EIF2B3: variants seen among roughly 807,000 people sequenced by gnomAD.
EIF2B3 encodes translation initiation factor eIF2B subunit gamma.
EIF2B3 carries 20 observed loss-of-function variants against 54.1 expected under a neutral mutation model. That is an observed-to-expected ratio of 0.37 (90% CI 0.26 to 0.54). EIF2B3 has a LOEUF of 0.54. EIF2B3 is among the 20% of genes least tolerant of loss of function. The pLI is 0.86. For missense variants in EIF2B3, 448 were observed against 547.8 expected, an observed-to-expected ratio of 0.82 and a Z score of 1.82; for synonymous variants, 153 against 188.1, an observed-to-expected ratio of 0.81 and a Z score of 1.52.
chr1:44,983,303 C>CAT (rs1478542254), intron 1 of EIF2B3, among the ~76,000 whole-genome samples: 2 of 152,180 alleles, frequency 1.3e-5, no homozygotes, highest in African/African-American at 4.8e-5. Context: ...TCAGAAGAAA[C>CAT]AATCTATTCA....
intron 6 of EIF2B3, among the ~76,000 whole-genome samples, chr1:44,885,980 C>T (rs915339269): frequency 7.3e-5 from 11 of 150,994 alleles, no homozygotes; most frequent in Non-Finnish European, 7.4e-5. Context: ...CTCCTGACCT[C>T]GTGATCCGCC....
Position 44,942,422 on chromosome 1 carries a change from T to A in EIF2B3, c.295-757A>T, listed in dbSNP as rs1386468014. 5.2e-4 allele frequency among the ~76,000 whole-genome samples: 27 copies of A among 52,242 alleles called. 1 individual carries two copies. The highest frequency in any genetic ancestry group is 2.4e-3 in the African/African-American group (26 of 10,810). 34.3% of individuals were successfully genotyped at this position (52,242 alleles called of 152,430 possible). The stretch of plus-strand genomic sequence containing the variant: ...ATATATATATATATATATATATTTT[T>A]TTTTTTTTTTTTTTTTTTTTTTCCA... On this transcript the variant is annotated intron_variant, in intron 3 of 11. Transcript: ENST00000360403.
chr1:44,898,507 A>C (rs1369921338), intron 5 of EIF2B3, among the ~76,000 whole-genome samples: 1 of 152,194 alleles, frequency 6.6e-6, no homozygotes, highest in African/African-American at 2.4e-5. Flanking sequence ...AAATTAAGGC[A>C]TCTGCCTAGG....
chr1:44,886,346 C>T (rs571717431), intron 6 of EIF2B3, among the ~76,000 whole-genome samples: 2 of 152,274 alleles, frequency 1.3e-5, no homozygotes, highest in African/African-American at 2.4e-5. Context: ...TCCCAAAGTG[C>T]TGGGATTACA....
At chr1:44,875,208 A>G (rs1655082875) in intron 9 of EIF2B3, among the ~76,000 whole-genome samples, 1 of 152,178 alleles carries the variant, frequency 6.6e-6, no homozygotes, top group African/African-American at 2.4e-5. Context: ...AAAGAAAAAG[A>G]AAATTGGGAC....
intron 10 of EIF2B3, among the ~76,000 whole-genome samples, chr1:44,861,930 C>G (rs1005738242): frequency 6.6e-6 from 1 of 152,204 alleles, no homozygotes; most frequent in African/African-American, 2.4e-5. Context: ...GGCTGAGGTA[C>G]TTTGGAAAAA....
chr1:44,968,339 G>T (rs1569863429), intron 3 of EIF2B3, among the ~76,000 whole-genome samples: 1 of 150,228 alleles, frequency 6.7e-6, no homozygotes, highest in African/African-American at 2.5e-5. Flanking sequence ...TCCAGCCTGG[G>T]CGACAGAGTG....
intron 4 of EIF2B3, among the ~76,000 whole-genome samples, chr1:44,932,116 AACACACAC>A (rs59619203): frequency 1.3e-5 from 2 of 148,428 alleles, no homozygotes; most frequent in Non-Finnish European, 3.0e-5. Context: ...TCTCAAAACG[AACACACAC>A]ACACACACAC....
chr1:44,871,112 C>T (rs1218769075), intron 10 of EIF2B3, among the ~76,000 whole-genome samples: 5 of 152,220 alleles, frequency 3.3e-5, no homozygotes, highest in African/African-American at 7.2e-5. Flanking sequence ...GCCAATCTTG[C>T]TCTTCCTCTA....
At chr1:44,871,239 T>C (rs1654955520) in intron 10 of EIF2B3, among the ~76,000 whole-genome samples, 1 of 152,250 alleles carries the variant, frequency 6.6e-6, no homozygotes, top group African/African-American at 2.4e-5. Flanking sequence ...TTTATAGTTT[T>C]TAATCACCTT....
At chr1:44,977,607 G>A (rs537955112) in intron 3 of EIF2B3, among the ~76,000 whole-genome samples, 50 of 152,090 alleles carry the variant, frequency 3.3e-4, no homozygotes, top group African/African-American at 1.1e-3. Context: ...TAGGATTACA[G>A]ATGTGCACCG....
intron 5 of EIF2B3, among the ~76,000 whole-genome samples, chr1:44,923,686 A>T (rs1289626666): frequency 6.6e-6 from 1 of 152,092 alleles, no homozygotes; most frequent in African/African-American, 2.4e-5. Flanking sequence ...CCATGTTCTA[A>T]TTCAGAGGCA....
At chr1:44,943,369 TATCTA>T (rs1644059828) in intron 3 of EIF2B3, among the ~76,000 whole-genome samples, 4 of 16,212 alleles carry the variant, frequency 2.5e-4, no homozygotes, top group African/African-American at 4.5e-4. Context: ...CAGGAAGAAC[TATCTA>T]TATCTATATC....
At chr1:44,971,402 CA>C (rs1644398523) in intron 3 of EIF2B3, among the ~76,000 whole-genome samples, 3 of 149,862 alleles carry the variant, frequency 2.0e-5, no homozygotes, top group Non-Finnish European at 3.0e-5. Context: ...CAAAGTCATA[CA>C]AAAAGGCAGT....
At chr1:44,924,743 T>C (rs1643819655) in intron 5 of EIF2B3, among the ~76,000 whole-genome samples, 1 of 152,196 alleles carries the variant, frequency 6.6e-6, no homozygotes, top group South Asian at 2.1e-4. Context: ...TTACTGAACT[T>C]TTATTTATTA....
rs1357241185 is a variant in EIF2B3, at chr1:44,879,682, AC to A, written c.975+135del. ...CTGAGTACCCTAGTAGTCTCCCTTGACGTGCCAGGTCTTGCTCAACCTTGGG... is the reference window on the plus strand; with the variant it reads ...CTGAGTACCCTAGTAGTCTCCCTTGAGTGCCAGGTCTTGCTCAACCTTGGG... On this transcript the variant is annotated intron_variant, in intron 8 of 11. Transcript: ENST00000360403. 3 of 998,820 alleles carry A rather than the reference AC, an allele frequency of 3.0e-6. No homozygotes were observed. In the African/African-American group the frequency reaches 4.8e-5, roughly 16 times the overall value. 61.9% of individuals were successfully genotyped at this position (998,820 alleles called of 1,614,324 possible).
intron 5 of EIF2B3, among the ~76,000 whole-genome samples, chr1:44,898,872 G>C (rs1656069690): frequency 6.6e-6 from 1 of 151,798 alleles, no homozygotes; most frequent in African/African-American, 2.4e-5. Context: ...TTTTATTTTT[G>C]GTAGAGACAA....
chr1:44,962,454 C>G lies in EIF2B3; in HGVS notation c.294+15861G>C, dbSNP rs187238350. Among the ~76,000 whole-genome samples the G allele has an allele frequency of 3.3e-5, 5 of 152,254 alleles. No individual in the cohort carries two copies. The East Asian group carries it at 9.6e-4, about 29-fold the overall frequency. On this transcript the variant is annotated intron_variant, in intron 3 of 11. Coordinates refer to ENST00000360403, the MANE Select transcript of EIF2B3 (RefSeq NM_020365.5). Reference sequence around the variant, plus strand: ...AGAGATGAGTTTCTCACTTTATTGGCCAGGTTGGGGAGCAGTGGCGCGATC... The same window carrying G: ...AGAGATGAGTTTCTCACTTTATTGGGCAGGTTGGGGAGCAGTGGCGCGATC...
intron 10 of EIF2B3, chr1:44,874,388 T>C: frequency 2.6e-6 from 1 of 378,888 alleles, no homozygotes; most frequent in Non-Finnish European, 4.8e-6. Context: ...TTTAGAGCTG[T>C]CATTCTTATC....
Sources: gnomAD v4.1 joint callset for allele counts (sites outside exome capture counted in the v4.1 genomes callset) on GRCh38, gnomAD v4.1.1 for gene constraint, MANE v1.5 for transcripts, NCBI Gene and HGNC (gene_info 2026-07-23, HGNC 2026-07-21) for gene names.